ANKH: variants seen among roughly 807,000 people sequenced by gnomAD.
ANKH encodes the protein mineralization regulator ANKH.
In ANKH, 15 loss-of-function variants were observed where a neutral mutation model predicts 49.0. The ratio of observed to expected loss-of-function variants is 0.31; its 90% CI spans 0.20 to 0.47. The LOEUF (loss-of-function observed/expected upper bound fraction) is 0.47. Among genes scored for constraint, ANKH ranks in the 20% least tolerant of loss-of-function variants. ANKH has a pLI of 1.00. For synonymous variants in ANKH, 273 were observed against 260.0 expected, an observed-to-expected ratio of 1.05 and a Z score of -0.48; for missense variants, 429 against 652.0, an observed-to-expected ratio of 0.66 and a Z score of 3.72.
chr5:14,743,492 TC>T (rs1175967105), intron 7 of ANKH, among the ~76,000 whole-genome samples: 2 of 152,226 alleles, frequency 1.3e-5, no homozygotes, highest in Non-Finnish European at 2.9e-5. Flanking sequence ...CTCAGAAGCA[TC>T]CTTTTTTGCA....
chr5:14,728,028 C>T (rs1422686005), intron 8 of ANKH, among the ~76,000 whole-genome samples: 1 of 152,178 alleles, frequency 6.6e-6, no homozygotes, highest in Non-Finnish European at 1.5e-5. Context: ...TTCATCTTAC[C>T]TAAATTCCCC....
Position 14,751,102 on chromosome 5 carries a change from G to T in ANKH, c.654C>A (p.Asp218Glu). The T allele has an allele frequency of 6.2e-7, 1 of 1,614,238 alleles. No homozygotes were observed. The highest frequency in any genetic ancestry group is 8.5e-7 in the Non-Finnish European group (1 of 1,180,042). The change falls in exon 5 of 12, where the codon GAC becomes GAA. Residue 218 changes from aspartate (D) to glutamate (E), a missense_variant. By Grantham distance (45) the Asp-to-Glu change is conservative. This residue lies in a region of ANKH where 378 missense variants were observed against 615.3 expected (regional missense o/e 0.61). Transcript: ENST00000284268. The part of the protein sequence containing the change: ...LCLGYYKNIH[D>E]IIPDRSGPEL... ...CCGGGCCACTTCTGTCAGGGATGAT[G>T]TCGTGAATGTTCTTGTAGTAGCCCA...
At position 14,745,948 on chromosome 5, in the gene ANKH, C is replaced by T; in HGVS notation, c.837G>A (p.Leu279=). 1.2e-6 allele frequency: 2 copies of T among 1,614,120 alleles called. No individual in the cohort carries two copies. The highest frequency in any genetic ancestry group is 1.7e-6 in the Non-Finnish European group (2 of 1,180,008). ...TGTGACCCACAGGGTATGTGGCTGT[C>T]AAAATCGCCACTGCCTGCAACAGGA... ...SSAATEAVAI[L]TATYPVGHMP... The change falls in exon 7 of 12, where the codon TTG becomes TTA. Residue 279 remains leucine, a synonymous_variant. Transcript: ENST00000284268. This position sits in a 1 kb window ranked among gnomAD's most constrained non-coding sequence, Gnocchi z 4.7.
At chr5:14,858,322 T>C (rs1024263177) in intron 1 of ANKH, among the ~76,000 whole-genome samples, 3 of 152,194 alleles carry the variant, frequency 2.0e-5, no homozygotes, top group African/African-American at 4.8e-5. Flanking sequence ...TTTATATCCT[T>C]ACAGCGTAGC....
Position 14,704,901 on chromosome 5 carries a change from C to T in ANKH, c.*6296G>A, listed in dbSNP as rs1439418569. 6.6e-6 allele frequency: 1 copy of T among 152,154 alleles called. No individual in the cohort carries two copies. The highest frequency in any genetic ancestry group is 1.5e-5 in the Non-Finnish European group (1 of 68,026). 9.4% of individuals were successfully genotyped at this position (152,154 alleles called of 1,614,324 possible). The stretch of plus-strand genomic sequence containing the variant: ...CAAATCCATAAACCCTGAAACAAAG[C>T]ATATATAAATGCTCTTACCAATGCA... On this transcript the variant is annotated 3_prime_UTR_variant, in exon 12 of 12. Transcript: ENST00000284268.
At chr5:14,867,155 C>CAAAA (rs774841903) in intron 1 of ANKH, among the ~76,000 whole-genome samples, 12 of 69,254 alleles carry the variant, frequency 1.7e-4, no homozygotes, top group South Asian at 5.0e-4. Context: ...GACTCAGTCT[C>CAAAA]AAAAAAAAAA....
intron 8 of ANKH, among the ~76,000 whole-genome samples, chr5:14,721,642 A>G (rs1397727343): frequency 6.6e-6 from 1 of 152,180 alleles, no homozygotes; most frequent in Non-Finnish European, 1.5e-5. Flanking sequence ...TTATAAGTGG[A>G]TATGGTGAGC....
chr5:14,768,969 C>T lies in ANKH; in HGVS notation c.313+6G>A. 6.2e-7 allele frequency: 1 copy of T among 1,614,010 alleles called. No individual in the cohort carries two copies. The highest frequency in any genetic ancestry group is 8.5e-7 in the Non-Finnish European group (1 of 1,179,930). On this transcript the variant is annotated splice_donor_region_variant and intron_variant, in intron 2 of 11. Transcript: ENST00000284268. The stretch of plus-strand genomic sequence containing the variant: ...TAGATTCGTCAGTGGCGGTCGGCGG[C>T]CTCACCTATCAGTGTGTGAAAGACG...
At chr5:14,765,000 C>A (rs1164353377) in intron 2 of ANKH, among the ~76,000 whole-genome samples, 1 of 152,208 alleles carries the variant, frequency 6.6e-6, no homozygotes, top group African/African-American at 2.4e-5. Flanking sequence ...CTAATTTCCA[C>A]GCACGTGAAA....
intron 1 of ANKH, among the ~76,000 whole-genome samples, chr5:14,850,106 T>A (rs537992951): frequency 6.6e-6 from 1 of 152,262 alleles, no homozygotes; most frequent in East Asian, 1.9e-4. Context: ...CAAGAATAAT[T>A]GTCTTTCAAA....
chr5:14,864,200 G>A (rs931167389), intron 1 of ANKH, among the ~76,000 whole-genome samples: 1 of 152,174 alleles, frequency 6.6e-6, no homozygotes, highest in African/African-American at 2.4e-5. Context: ...GCCACACAGT[G>A]AGACTTGTCT....
At chr5:14,739,451 AT>A (rs1332474728) in intron 8 of ANKH, among the ~76,000 whole-genome samples, 4 of 152,054 alleles carry the variant, frequency 2.6e-5, no homozygotes, top group East Asian at 1.9e-4. Context: ...CTCCCTTTAT[AT>A]TTTTTTCTAT....
At chr5:14,712,023 CT>C (rs1737233856) in intron 11 of ANKH, among the ~76,000 whole-genome samples, 1 of 152,242 alleles carries the variant, frequency 6.6e-6, no homozygotes, top group Non-Finnish European at 1.5e-5. Flanking sequence ...TGTCTCCCCT[CT>C]TTCCTCAGCT....
chr5:14,843,663 G>C (rs1741877708), intron 1 of ANKH, among the ~76,000 whole-genome samples: 1 of 151,300 alleles, frequency 6.6e-6, no homozygotes, highest in African/African-American at 2.4e-5. Flanking sequence ...ACCTGAGCAA[G>C]AAGGGAGAAG....
chr5:14,818,644 CAAAAAAAAAAAAAAAAA>C (rs34629052), intron 1 of ANKH, among the ~76,000 whole-genome samples: 1 of 64,910 alleles, frequency 1.5e-5, no homozygotes, highest in Non-Finnish European at 2.8e-5. Flanking sequence ...AACTCCATCT[CAAAAAAAAAAAAAAAAA>C]AAAAAAAAGA....
intron 5 of ANKH, 124 bp from the exon 6 acceptor site, chr5:14,749,430 T>C (rs1304389745): frequency 1.8e-6 from 2 of 1,111,682 alleles, no homozygotes; most frequent in East Asian, 4.9e-5. Context: ...TTGAAAGTAA[T>C]ATAAGGAAAA....
At chr5:14,765,674 C>A (rs193108697) in intron 2 of ANKH, among the ~76,000 whole-genome samples, 202 of 152,054 alleles carry the variant, frequency 1.3e-3, no homozygotes, top group Middle Eastern at 6.8e-3. Flanking sequence ...ATGAAAAGGA[C>A]CTAGTAGAAG....
At chr5:14,807,232 C>T (rs963916201) in intron 1 of ANKH, among the ~76,000 whole-genome samples, 1 of 151,702 alleles carries the variant, frequency 6.6e-6, no homozygotes. Flanking sequence ...CTCCTACCTC[C>T]GCCTCCCGAG....
Position 14,820,794 on chromosome 5 carries a change from T to C in ANKH, c.96+50558A>G, listed in dbSNP as rs546975415. ...AGAGAATTTTTGTCAGTTTCTACCA[T>C]AAGAAAAATTTAAGTTATTACAGCC... On this transcript the variant is annotated intron_variant, in intron 1 of 11. Transcript: ENST00000284268. Among the ~76,000 whole-genome samples, 103 of 152,272 alleles carry C rather than the reference T, an allele frequency of 6.8e-4. 3 individuals are homozygous for C. The South Asian group carries it at 0.021, about 31-fold the overall frequency.
Sources: allele counts gnomAD v4.1 joint callset (sites outside exome capture counted in the v4.1 genomes callset), GRCh38; gene constraint gnomAD v4.1.1; regional missense constraint gnomAD v4.1.1; non-coding constraint Gnocchi (gnomAD v3.1); transcripts MANE v1.5; gene names NCBI Gene and HGNC (gene_info 2026-07-23, HGNC 2026-07-21).